The following SORCS1 variants were observed in gnomAD, a reference collection of about 807,000 sequenced individuals.
SORCS1 encodes VPS10 domain-containing receptor SorCS1.
A neutral mutation model predicts 146.1 loss-of-function variants in SORCS1; 60 were observed. The observed-to-expected ratio is 0.41, with a 90% CI of 0.33 to 0.51. SORCS1 has a LOEUF of 0.51. Ranked by LOEUF, SORCS1 falls within the 20% of genes least tolerant of loss-of-function variation. SORCS1 has a pLI of 0.21. For missense variants in SORCS1, 1,352 were observed against 1,487.6 expected, an observed-to-expected ratio of 0.91 and a Z score of 1.50; for synonymous variants, 637 against 584.0, an observed-to-expected ratio of 1.09 and a Z score of -1.31.
intron 18 of SORCS1, among the ~76,000 whole-genome samples, chr10:106,644,098 C>CT (rs1313809082): frequency 6.6e-6 from 1 of 152,018 alleles, no homozygotes; most frequent in African/African-American, 2.4e-5. Flanking sequence ...CTTATTTTTC[C>CT]TTTTTTTGCC....
Position 106,961,498 on chromosome 10 carries a change from C to A in SORCS1, c.559-4918G>T, listed in dbSNP as rs140759429. Among the ~76,000 whole-genome samples the A allele has an allele frequency of 3.0e-3, 458 of 152,306 alleles. 1 individual carries two copies. The highest frequency in any genetic ancestry group is 0.01 in the African/African-American group (423 of 41,578). On this transcript the variant is annotated intron_variant, in intron 1 of 25. Transcript: ENST00000263054. ...ACAGAAGCACAGGAATTTTCCATTT[C>A]TTTTCTTAAAAACAAAAACATAGCG... is the stretch of plus-strand genomic sequence containing the variant.
At chr10:106,712,468 A>G (rs1281821271) in intron 6 of SORCS1, among the ~76,000 whole-genome samples, 4 of 152,212 alleles carry the variant, frequency 2.6e-5, no homozygotes, top group Non-Finnish European at 5.9e-5. Flanking sequence ...CTCAAGTTTG[A>G]AGACTGGAAG....
At chr10:106,865,149 T>C (rs1950182357) in intron 2 of SORCS1, among the ~76,000 whole-genome samples, 1 of 151,604 alleles carries the variant, frequency 6.6e-6, no homozygotes, top group Non-Finnish European at 1.5e-5. Context: ...ACAGCTGCTA[T>C]ACAAAAACAT....
intron 2 of SORCS1, among the ~76,000 whole-genome samples, chr10:106,953,604 G>A (rs527861124): frequency 2.0e-5 from 3 of 152,138 alleles, no homozygotes; most frequent in African/African-American, 7.2e-5. Context: ...TTCTCATTGT[G>A]TGAACATAAT....
Position 106,943,526 on chromosome 10 carries a change from G to C in SORCS1, c.626+12987C>G, listed in dbSNP as rs145889838. 2.7e-3 allele frequency among the ~76,000 whole-genome samples: 405 copies of C among 152,144 alleles called. 7 individuals carry two copies. In the East Asian group the frequency reaches 0.037, roughly 14 times the overall value. On this transcript the variant is annotated intron_variant, in intron 2 of 25. Transcript: ENST00000263054. Reference sequence around the variant, plus strand: ...CAATCTGTTAAAAAATAAATTAATAGGCCAGGTGCAGTGGCTCACACCTGT... The same window carrying C: ...CAATCTGTTAAAAAATAAATTAATACGCCAGGTGCAGTGGCTCACACCTGT...
chr10:107,078,293 G>A (rs1011581782), intron 1 of SORCS1, among the ~76,000 whole-genome samples: 37 of 151,956 alleles, frequency 2.4e-4, no homozygotes, highest in African/African-American at 7.7e-4. Context: ...GAAGTGTTTG[G>A]GACAAAAATA....
chr10:106,843,461 G>A (rs1949151345), intron 2 of SORCS1, among the ~76,000 whole-genome samples: 1 of 115,672 alleles, frequency 8.6e-6, no homozygotes, highest in African/African-American at 3.4e-5. Flanking sequence ...ATGGAGTCTC[G>A]CTCTGTTGCT....
At chr10:106,634,756 C>T (rs1848634063) in intron 18 of SORCS1, among the ~76,000 whole-genome samples, 1 of 152,080 alleles carries the variant, frequency 6.6e-6, no homozygotes, top group Admixed American at 6.6e-5. Flanking sequence ...CATGTTTAAG[C>T]CGTAAAGAAG....
At chr10:107,005,582 ATATTATG>A (rs1160655987) in intron 1 of SORCS1, among the ~76,000 whole-genome samples, 2 of 152,198 alleles carry the variant, frequency 1.3e-5, no homozygotes, top group East Asian at 3.9e-4. Flanking sequence ...GAATACCTAC[ATATTATG>A]TACACTTTAT....
At chr10:106,667,534 C>A (rs913206839) in intron 17 of SORCS1, among the ~76,000 whole-genome samples, 155 bp downstream of exon 17, 5 of 152,212 alleles carry the variant, frequency 3.3e-5, no homozygotes, top group Non-Finnish European at 7.3e-5. Flanking sequence ...ACTATTAGTG[C>A]AAAGTTGTGC....
intron 1 of SORCS1, among the ~76,000 whole-genome samples, chr10:107,126,724 T>C (rs994727164): frequency 2.0e-5 from 3 of 152,254 alleles, no homozygotes; most frequent in African/African-American, 7.2e-5. Flanking sequence ...TTGATGGATG[T>C]GGATTTTATC....
intron 2 of SORCS1, among the ~76,000 whole-genome samples, chr10:106,894,788 C>T (rs1466544271): frequency 6.6e-6 from 1 of 152,070 alleles, no homozygotes; most frequent in Non-Finnish European, 1.5e-5. Flanking sequence ...GCTGACATTG[C>T]CAAGGATCCT....
At chr10:106,942,602 C>G (rs898958632) in intron 2 of SORCS1, among the ~76,000 whole-genome samples, 1 of 152,164 alleles carries the variant, frequency 6.6e-6, no homozygotes, top group Admixed American at 6.5e-5. Flanking sequence ...CAACATACAA[C>G]CAAATGGCAG....
intron 1 of SORCS1, among the ~76,000 whole-genome samples, chr10:107,122,325 A>C (rs1252165240): frequency 6.6e-6 from 1 of 152,118 alleles, no homozygotes; most frequent in African/African-American, 2.4e-5. Flanking sequence ...TCTGATTTTC[A>C]TTTCCTTCCT....
intron 2 of SORCS1, among the ~76,000 whole-genome samples, chr10:106,901,770 G>A (rs1424467099): frequency 6.6e-6 from 1 of 152,178 alleles, no homozygotes; most frequent in Non-Finnish European, 1.5e-5. Flanking sequence ...CTGGCCGGGC[G>A]AGGTGGCTCA....
chr10:106,900,399 C>T (rs945484985), intron 2 of SORCS1, among the ~76,000 whole-genome samples: 50 of 152,296 alleles, frequency 3.3e-4, no homozygotes, highest in African/African-American at 1.2e-3. Flanking sequence ...CTACTGCTCT[C>T]TGTGGCTTTT....
At chr10:106,992,486 CTAAT>C (rs1427448996) in intron 1 of SORCS1, among the ~76,000 whole-genome samples, 2 of 152,088 alleles carry the variant, frequency 1.3e-5, no homozygotes, top group Non-Finnish European at 2.9e-5. Flanking sequence ...TAAAATCCAA[CTAAT>C]TCTTTTTCTT....
chr10:106,618,342 A>G, intron 20 of SORCS1, 70 bp from the exon 21 acceptor site: 1 of 1,575,212 alleles, frequency 6.3e-7, no homozygotes. Context: ...ACTAACTGTG[A>G]GCCAACAATA....
intron 1 of SORCS1, among the ~76,000 whole-genome samples, chr10:107,029,675 T>C (rs981938298): frequency 1.3e-5 from 2 of 152,146 alleles, no homozygotes; most frequent in Non-Finnish European, 2.9e-5. Flanking sequence ...AGAAGGTAAA[T>C]AAATTAGGCC....
Sources: allele counts gnomAD v4.1 joint callset (sites outside exome capture counted in the v4.1 genomes callset), GRCh38; gene constraint gnomAD v4.1.1; transcripts MANE v1.5; gene names NCBI Gene and HGNC (gene_info 2026-07-23, HGNC 2026-07-21).